The following SLC25A21 variants were observed in gnomAD, a reference collection of about 807,000 sequenced individuals.
The protein encoded by SLC25A21 is mitochondrial 2-oxodicarboxylate carrier.
A neutral mutation model predicts 43.8 loss-of-function variants in SLC25A21; 47 were observed. The ratio of observed to expected loss-of-function variants is 1.07; its 90% CI spans 0.85 to 1.37. The LOEUF is 1.37. Among genes scored for constraint, SLC25A21 ranks in the 40% most tolerant of loss-of-function variants. The pLI, the probability that SLC25A21 is intolerant of heterozygous loss-of-function variation, is 0.00. For synonymous variants in SLC25A21, 131 were observed against 121.3 expected, an observed-to-expected ratio of 1.08 and a Z score of -0.52; for missense variants, 352 against 350.2, an observed-to-expected ratio of 1.00 and a Z score of -0.04.
At chr14:37,082,192 T>C (rs1397792360) in intron 1 of SLC25A21, among the ~76,000 whole-genome samples, 1 of 152,004 alleles carries the variant, frequency 6.6e-6, no homozygotes, top group African/African-American at 2.4e-5. Flanking sequence ...TGAGCACACA[T>C]AGACATAAAT....
At chr14:36,989,273 G>C (rs72667349) in intron 1 of SLC25A21, among the ~76,000 whole-genome samples, 13,694 of 152,096 alleles carry the variant, frequency 0.09, 693 homozygotes, top group African/African-American at 0.13. Context: ...CAATGATCCA[G>C]GTGTAGATGA....
intron 1 of SLC25A21, among the ~76,000 whole-genome samples, chr14:36,900,429 A>G (rs1013730877): frequency 4.6e-5 from 7 of 152,118 alleles, no homozygotes; most frequent in African/African-American, 1.4e-4. Flanking sequence ...TAATTTGAAA[A>G]ATGATAAGAC....
intron 1 of SLC25A21, among the ~76,000 whole-genome samples, chr14:37,073,857 C>A (rs575750114): frequency 1.8e-4 from 28 of 152,178 alleles, no homozygotes; most frequent in Non-Finnish European, 3.8e-4. Context: ...GGAACTTAAC[C>A]ATTTTCGCAT....
rs745314658 is a variant in SLC25A21, at chr14:36,813,977, G to C, written c.144C>G (p.Thr48=). ...CCAAGCTTTTATAACTGTTTGGATC[G>C]GTTGCACATCTCTGAATCTGAAACC... The part of the protein sequence containing the change: ...KTRFQIQRCA[T]DPNSYKSLVD... The change falls in exon 3 of 10, where the codon ACC becomes ACG. Residue 48 remains threonine (T), a synonymous_variant. Transcript: ENST00000331299. 1 of 1,607,078 alleles carries C rather than the reference G, an allele frequency of 6.2e-7. No homozygotes were observed. The highest frequency in any genetic ancestry group is 1.3e-5 in the African/African-American group (1 of 74,620).
chr14:36,722,869 CATTAA>C (rs1263943425), intron 6 of SLC25A21, among the ~76,000 whole-genome samples: 6 of 152,122 alleles, frequency 3.9e-5, no homozygotes, highest in Non-Finnish European at 7.3e-5. Context: ...AGGCAGTGGA[CATTAA>C]ATTAATTCTT....
intron 7 of SLC25A21, among the ~76,000 whole-genome samples, chr14:36,696,700 G>A (rs1178019403): frequency 6.6e-6 from 1 of 151,648 alleles, no homozygotes; most frequent in Non-Finnish European, 1.5e-5. Flanking sequence ...TTGCGTAGAG[G>A]TGTTTATAGT....
At chr14:37,110,840 T>G (rs910998901) in intron 1 of SLC25A21, among the ~76,000 whole-genome samples, 5 of 152,216 alleles carry the variant, frequency 3.3e-5, no homozygotes, top group Non-Finnish European at 4.4e-5. Context: ...TTACTTGGTT[T>G]TGAAGAGACT....
At chr14:37,130,029 A>C (rs1042469096) in intron 1 of SLC25A21, among the ~76,000 whole-genome samples, 1 of 148,238 alleles carries the variant, frequency 6.7e-6, no homozygotes, top group Non-Finnish European at 1.5e-5. Flanking sequence ...AGGCAGGAGA[A>C]TCACTTGAGG....
chr14:36,981,149 C>T (rs950113984), intron 1 of SLC25A21, among the ~76,000 whole-genome samples: 1 of 152,104 alleles, frequency 6.6e-6, no homozygotes, highest in Non-Finnish European at 1.5e-5. Context: ...TACCATCTCA[C>T]ACCAGTTAGA....
In SLC25A21 at chr14:36,817,019, A is replaced by G. The variant is rs1207100118; in HGVS notation, c.120-3018T>C. Among the ~76,000 whole-genome samples, 4 of 152,220 alleles carry G rather than the reference A, an allele frequency of 2.6e-5. No homozygotes were observed. In the South Asian group the frequency reaches 6.2e-4, roughly 24 times the overall value. On this transcript the variant is annotated intron_variant, in intron 2 of 9. Transcript: ENST00000331299. ...GTTTTATATATTATGAAAGTATTAT[A>G]TAAGCATAGATGCTTTTCATAATAT...
At chr14:36,921,490 T>C (rs1465690850) in intron 1 of SLC25A21, among the ~76,000 whole-genome samples, 1 of 152,146 alleles carries the variant, frequency 6.6e-6, no homozygotes, top group African/African-American at 2.4e-5. Flanking sequence ...TTAATTTACA[T>C]TGTAATACAG....
chr14:37,112,511 T>C (rs185999542), intron 1 of SLC25A21, among the ~76,000 whole-genome samples: 29 of 152,316 alleles, frequency 1.9e-4, no homozygotes, highest in Admixed American at 1.7e-3. Flanking sequence ...TAATAGAATA[T>C]TTCCCATTAC....
intron 8 of SLC25A21, 125 bp downstream of exon 8, chr14:36,684,619 G>T: frequency 5.2e-6 from 4 of 775,776 alleles, no homozygotes; most frequent in African/African-American, 1.8e-5. Flanking sequence ...ATATATATTC[G>T]CAGTTTCTTA....
Position 36,776,207 on chromosome 14 carries a change from TG to T in SLC25A21, c.203+37710del, listed in dbSNP as rs1359360546. Among the ~76,000 whole-genome samples, 16 of 149,734 alleles carry T rather than the reference TG, an allele frequency of 1.1e-4. No homozygotes were observed. The East Asian group carries it at 3.2e-3, about 30-fold the overall frequency. On this transcript the variant is annotated intron_variant, in intron 3 of 9. Transcript: ENST00000331299. ...TGAAACTTTGAAACTTCCCACCAAC[TG>T]CTTTCTTTTTTCTTTTTCTTTCTTT...
intron 1 of SLC25A21, among the ~76,000 whole-genome samples, chr14:37,088,772 T>C (rs1962529839): frequency 6.6e-6 from 1 of 152,208 alleles, no homozygotes; most frequent in African/African-American, 2.4e-5. Flanking sequence ...CTGAGAAAAT[T>C]AGTAACCAAG....
chr14:36,904,248 G>C (rs17177767), intron 1 of SLC25A21, among the ~76,000 whole-genome samples: 1,889 of 152,196 alleles, frequency 0.012, 21 homozygotes, highest in Non-Finnish European at 0.02. Context: ...GAAATAAATG[G>C]GTTGCTCACA....
At chr14:37,028,115 T>C (rs1167684279) in intron 1 of SLC25A21, among the ~76,000 whole-genome samples, 1 of 152,160 alleles carries the variant, frequency 6.6e-6, no homozygotes, top group Non-Finnish European at 1.5e-5. Flanking sequence ...TAAATAACTG[T>C]AAATATTTTT....
intron 1 of SLC25A21, among the ~76,000 whole-genome samples, chr14:37,071,214 T>C (rs981990586): frequency 1.3e-5 from 2 of 152,206 alleles, no homozygotes; most frequent in African/African-American, 2.4e-5. Context: ...CAAAGATGTA[T>C]ACATGGTATT....
At chr14:37,050,995 A>C (rs714268) in intron 1 of SLC25A21, among the ~76,000 whole-genome samples, 73,931 of 152,056 alleles carry the variant, frequency 0.49, 21,045 homozygotes, top group African/African-American at 0.8. Context: ...ATCTTACACC[A>C]CAGTTACTCT....
Sources: allele counts gnomAD v4.1 joint callset (sites outside exome capture counted in the v4.1 genomes callset), GRCh38; gene constraint gnomAD v4.1.1; transcripts MANE v1.5; gene names NCBI Gene and HGNC (gene_info 2026-07-23, HGNC 2026-07-21).